The following MINDY4B variants were observed in gnomAD, a reference collection of about 807,000 sequenced individuals.
MINDY4B encodes inactive ubiquitin carboxyl-terminal hydrolase MINDY-4B.
In MINDY4B, 25 loss-of-function variants were observed where a neutral mutation model predicts 16.7. The ratio of observed to expected loss-of-function variants is 1.49; its 90% CI spans 1.09 to 2.09. The LOEUF (loss-of-function observed/expected upper bound fraction) is 2.09. Among genes scored for constraint, MINDY4B ranks in the 30% most tolerant of loss-of-function variants. The pLI, the probability that MINDY4B is intolerant of heterozygous loss-of-function variation, is 0.00. For synonymous variants in MINDY4B, 132 were observed against 61.9 expected, an observed-to-expected ratio of 2.13 and a Z score of -5.32; for missense variants, 327 against 168.4, an observed-to-expected ratio of 1.94 and a Z score of -5.21.
chr3:150,896,518 C>T (rs888373624), intron 3 of MINDY4B, among the ~76,000 whole-genome samples: 3 of 152,286 alleles, frequency 2.0e-5, no homozygotes, highest in East Asian at 1.9e-4. Context: ...TAGGCTCTGT[C>T]AGAAGGAAAG....
chr3:150,886,959 A>T (rs950523513), intron 7 of MINDY4B, among the ~76,000 whole-genome samples: 80 of 152,352 alleles, frequency 5.3e-4, no homozygotes, highest in African/African-American at 1.9e-3. Context: ...TGGATGCCTG[A>T]AACTACAGAT....
intron 3 of MINDY4B, among the ~76,000 whole-genome samples, chr3:150,902,406 G>T (rs779375892): frequency 6.6e-6 from 1 of 152,220 alleles, no homozygotes; most frequent in Non-Finnish European, 1.5e-5. Flanking sequence ...GTCTTGAGAA[G>T]TCCCGAGTTT....
At chr3:150,892,495 G>A (rs1172601077) in intron 5 of MINDY4B, among the ~76,000 whole-genome samples, 1 of 152,320 alleles carries the variant, frequency 6.6e-6, no homozygotes, top group South Asian at 2.1e-4. Flanking sequence ...TTACCTGCCT[G>A]AGGGCAGAAG....
At chr3:150,882,784 C>T (rs1158100754) in intron 10 of MINDY4B, 113 bp downstream of exon 10, 1 of 477,308 alleles carries the variant, frequency 2.1e-6, no homozygotes, top group Non-Finnish European at 3.8e-6. Flanking sequence ...GGTACACAGG[C>T]AGACAGTAAG....
At chr3:150,877,553 A>G (rs1032186458) in intron 10 of MINDY4B, among the ~76,000 whole-genome samples, 6 of 152,112 alleles carry the variant, frequency 3.9e-5, no homozygotes, top group African/African-American at 1.4e-4. Context: ...ATACAGTCAA[A>G]TGGTCTTCTG....
Position 150,881,107 on chromosome 3 carries a change from A to T in MINDY4B, c.1059+1790T>A, listed in dbSNP as rs540741219. Among the ~76,000 whole-genome samples, 11 of 152,332 alleles carry T rather than the reference A, an allele frequency of 7.2e-5. No individual in the cohort carries two copies. The East Asian group carries it at 1.7e-3, about 24-fold the overall frequency. On this transcript the variant is annotated intron_variant, in intron 10 of 11. Coordinates refer to ENST00000465419, the MANE Select transcript of MINDY4B (RefSeq NM_001351281.2). Reference sequence around the variant, plus strand: ...CAGCCTCTAAATATAATGAGAGGCCAGGCAGTGGCTCACGCCTGTAATCCC... The same window carrying T: ...CAGCCTCTAAATATAATGAGAGGCCTGGCAGTGGCTCACGCCTGTAATCCC...
intron 10 of MINDY4B, among the ~76,000 whole-genome samples, chr3:150,880,005 T>G (rs1475051185): frequency 6.6e-6 from 1 of 152,248 alleles, no homozygotes; most frequent in Non-Finnish European, 1.5e-5. Flanking sequence ...CCTTGTTATC[T>G]TCTATTATAA....
chr3:150,883,024 C>G lies in MINDY4B; in HGVS notation c.932G>C (p.Ser311Thr), dbSNP rs775495272. The change falls in exon 10 of 12, where the codon AGT becomes ACT. Residue 311 changes from serine to threonine, a missense_variant. Transcript: ENST00000465419. ...VLNMILTGRA[S>T]PNVFNGCEEG... ...CTCACAGCCATTGAAGACATTGGGA[C>G]TTGCTCTTCCAGTTAAAATCATGTT... 8 of 702,144 alleles carry G rather than the reference C, an allele frequency of 1.1e-5. No individual in the cohort carries two copies. In the South Asian group the frequency reaches 1.2e-4, roughly 10 times the overall value. 43.5% of individuals were successfully genotyped at this position (702,144 alleles called of 1,614,324 possible).
chr3:150,886,286 T>G (rs1711619452), intron 7 of MINDY4B, among the ~76,000 whole-genome samples: 1 of 152,250 alleles, frequency 6.6e-6, no homozygotes, highest in Non-Finnish European at 1.5e-5. Flanking sequence ...CTTCAAAGTC[T>G]TCTTTACGGA....
At chr3:150,881,306 C>T (rs1711519586) in intron 10 of MINDY4B, among the ~76,000 whole-genome samples, 1 of 152,134 alleles carries the variant, frequency 6.6e-6, no homozygotes, top group African/African-American at 2.4e-5. Context: ...ATCGCTTGAA[C>T]CCAGGAGGCG....
chr3:150,881,075 C>T (rs1389682438), intron 10 of MINDY4B, among the ~76,000 whole-genome samples: 1 of 152,170 alleles, frequency 6.6e-6, no homozygotes. Flanking sequence ...CACAATAGAA[C>T]TCTTTGCAGC....
intron 10 of MINDY4B, among the ~76,000 whole-genome samples, chr3:150,877,247 A>C (rs1040246385): frequency 2.0e-5 from 3 of 152,162 alleles, no homozygotes; most frequent in Non-Finnish European, 4.4e-5. Context: ...GAACTAAGAA[A>C]TCTTTCTTAT....
intron 7 of MINDY4B, among the ~76,000 whole-genome samples, chr3:150,888,098 T>C (rs1334729934): frequency 6.6e-6 from 1 of 151,838 alleles, no homozygotes; most frequent in East Asian, 1.9e-4. Context: ...CGGAGCAAGA[T>C]TCCGTCTCAA....
chr3:150,881,700 A>G (rs1264117377), intron 10 of MINDY4B, among the ~76,000 whole-genome samples: 3 of 151,644 alleles, frequency 2.0e-5, no homozygotes, highest in African/African-American at 7.3e-5. Context: ...ACCCCTGGGT[A>G]ATGAAATTTG....
chr3:150,888,568 C>G (rs776224595), intron 7 of MINDY4B, among the ~76,000 whole-genome samples: 10 of 152,116 alleles, frequency 6.6e-5, no homozygotes, highest in Non-Finnish European at 1.3e-4. Flanking sequence ...TGGTAAAGTT[C>G]TGGATGGGGT....
At chr3:150,874,929 C>T (rs894066564) in intron 10 of MINDY4B, among the ~76,000 whole-genome samples, 3 of 152,096 alleles carry the variant, frequency 2.0e-5, no homozygotes, top group Admixed American at 2.0e-4. Flanking sequence ...TATTGCTATG[C>T]TGAAAAGAAA....
intron 5 of MINDY4B, among the ~76,000 whole-genome samples, chr3:150,892,926 G>A (rs1220250981): frequency 2.1e-5 from 3 of 145,410 alleles, no homozygotes; most frequent in Non-Finnish European, 4.5e-5. Flanking sequence ...GGGGACAAGA[G>A]TGAGACTTTG....
chr3:150,900,051 C>G (rs1712079548), intron 3 of MINDY4B, among the ~76,000 whole-genome samples: 1 of 152,210 alleles, frequency 6.6e-6, no homozygotes, highest in Admixed American at 6.5e-5. Context: ...AGGTGGGAAA[C>G]TGCCACTGGA....
At chr3:150,877,750 T>C (rs1417798821) in intron 10 of MINDY4B, among the ~76,000 whole-genome samples, 1 of 152,210 alleles carries the variant, frequency 6.6e-6, no homozygotes. Context: ...ACTGTCATGC[T>C]GTGATTTGCT....
Sources: gnomAD v4.1 joint callset for allele counts (sites outside exome capture counted in the v4.1 genomes callset) on GRCh38, gnomAD v4.1.1 for gene constraint, MANE v1.5 for transcripts, NCBI Gene and HGNC (gene_info 2026-07-23, HGNC 2026-07-21) for gene names.